The following TNRC18 variants were observed in gnomAD, a reference collection of about 807,000 sequenced individuals.
TNRC18 encodes trinucleotide repeat containing 18.
A neutral mutation model predicts 226.7 loss-of-function variants in TNRC18; 69 were observed. The ratio of observed to expected loss-of-function variants is 0.30; its 90% CI spans 0.25 to 0.37. The LOEUF (loss-of-function observed/expected upper bound fraction) is 0.37. Among genes scored for constraint, TNRC18 ranks in the 10% least tolerant of loss-of-function variants. The pLI, the probability that TNRC18 is intolerant of heterozygous loss-of-function variation, is 1.00. For synonymous variants in TNRC18, 2,449 were observed against 1,927.6 expected, an observed-to-expected ratio of 1.27 and a Z score of -7.09; for missense variants, 4,754 against 4,256.6, an observed-to-expected ratio of 1.12 and a Z score of -3.25.
chr7:5,358,115 C>T (rs1444608164), intron 15 of TNRC18, among the ~76,000 whole-genome samples: 1 of 152,154 alleles, frequency 6.6e-6, no homozygotes, highest in Non-Finnish European at 1.5e-5. Context: ...CAGCAGCTGA[C>T]AAAGTACTAG....
At chr7:5,321,268 G>A (rs1788326637) in intron 21 of TNRC18, 78 bp from the exon 22 acceptor site, 4 of 1,091,710 alleles carry the variant, frequency 3.7e-6, no homozygotes, top group Non-Finnish European at 5.3e-6. Context: ...TTACCCCCAA[G>A]TCATCCCCTT....
intron 29 of TNRC18, 121 bp downstream of exon 29, chr7:5,308,754 T>C (rs937134676): frequency 2.8e-6 from 3 of 1,086,258 alleles, no homozygotes; most frequent in Non-Finnish European, 4.0e-6. Context: ...GGACAGGAGG[T>C]CAGAGGCTGA....
At chr7:5,392,347 C>T (rs1780361496) in intron 3 of TNRC18, among the ~76,000 whole-genome samples, 1 of 152,188 alleles carries the variant, frequency 6.6e-6, no homozygotes, top group Non-Finnish European at 1.5e-5. Flanking sequence ...CCTGTAGTCC[C>T]AGCTCCTCAG....
chr7:5,374,191 G>T lies in TNRC18; in HGVS notation c.3093C>A (p.Pro1031=), dbSNP rs540135793. 4.1e-4 allele frequency: 583 copies of T among 1,437,396 alleles called. 2 individuals are homozygous for T. In the African/African-American group the frequency reaches 7.8e-3, roughly 19 times the overall value. 89.0% of individuals were successfully genotyped at this position (1,437,396 alleles called of 1,614,324 possible). A position where few individuals can be genotyped will look rare whatever the true frequency, so the allele number is the denominator to read the frequency against. ...GTGGGGAGGCGGGCGGCGGGCTGGT[G>T]GGGTGGGAGCTGGGGGTGGCGGGGT... ...YAYPATPSSH[P]TSPPPASPPP... The change falls in exon 10 of 30, where the codon CCC becomes CCA. Residue 1031 remains proline (P), a synonymous_variant. Transcript: ENST00000430969.
rs769405352 is a variant in TNRC18, at chr7:5,307,515, C to T, written c.*591G>A. On this transcript the variant is annotated 3_prime_UTR_variant, in exon 30 of 30. Coordinates refer to ENST00000430969, the MANE Select transcript of TNRC18 (RefSeq NM_001080495.3). Reference sequence around the variant, plus strand: ...CTCTCCACCTGGTGCCTTTGACAGACACTCCGGGCTGCAACCCCACCCGGC... The same window carrying T: ...CTCTCCACCTGGTGCCTTTGACAGATACTCCGGGCTGCAACCCCACCCGGC... The T allele has an allele frequency of 1.3e-5, 6 of 447,056 alleles. No individual in the cohort carries two copies. The highest frequency in any genetic ancestry group is 4.8e-5 in the South Asian group (3 of 62,948). The allele number at this position is 447,056 out of a possible 1,614,324, so 27.7% of individuals were successfully genotyped here. A position where few individuals can be genotyped will look rare whatever the true frequency, so the allele number is the denominator to read the frequency against.
At chr7:5,321,816 T>C (rs537189158) in intron 21 of TNRC18, among the ~76,000 whole-genome samples, 95 of 151,712 alleles carry the variant, frequency 6.3e-4, no homozygotes, top group African/African-American at 2.0e-3. Flanking sequence ...GAATTACAGG[T>C]GCCTGCCACC....
At chr7:5,403,852 A>T (rs531481925) in intron 2 of TNRC18, among the ~76,000 whole-genome samples, 1 of 152,112 alleles carries the variant, frequency 6.6e-6, no homozygotes, top group East Asian at 1.9e-4. Flanking sequence ...CATCTCATAG[A>T]CTCAGTCAAA....
intron 16 of TNRC18, among the ~76,000 whole-genome samples, chr7:5,352,857 G>A (rs1791969236): frequency 6.6e-6 from 1 of 152,258 alleles, no homozygotes; most frequent in South Asian, 2.1e-4. Context: ...GGCAAGATGG[G>A]AAGACAGGGG....
intron 18 of TNRC18, among the ~76,000 whole-genome samples, chr7:5,343,982 A>T (rs1225457132): frequency 6.6e-6 from 1 of 152,216 alleles, no homozygotes; most frequent in Non-Finnish European, 1.5e-5. Context: ...GAAACTAATC[A>T]CGTCTAGCCA....
In TNRC18 at chr7:5,318,603, A is replaced by AAC. The variant is rs5882053; in HGVS notation, c.6745+1713_6745+1714dup. Among the ~76,000 whole-genome samples the AAC allele has an allele frequency of 1.2e-3, 177 of 151,082 alleles. 3 individuals carry two copies. The highest frequency in any genetic ancestry group is 3.3e-3 in the African/African-American group (135 of 41,160). ...CTCTGCAGATACCCAGCATGATGAG[A>AAC]ACACACACACACACACACGGAATTC... On this transcript the variant is annotated intron_variant, in intron 24 of 29. Transcript: ENST00000430969.
chr7:5,332,737 G>T lies in TNRC18; in HGVS notation c.6032C>A (p.Ala2011Glu). The T allele has an allele frequency of 6.6e-7, 1 of 1,523,052 alleles. No homozygotes were observed. The highest frequency in any genetic ancestry group is 1.4e-5 in the African/African-American group (1 of 70,844). The allele number at this position is 1,523,052 out of a possible 1,614,324, so 94.3% of individuals were successfully genotyped here. A position where few individuals can be genotyped will look rare whatever the true frequency, so the allele number is the denominator to read the frequency against. Residue 2011 changes from alanine to glutamate, a missense_variant, in exon 19 of 30, where the codon GCA becomes GAA. Transcript: ENST00000430969. ...GGGCGCGGTGCTGACGGGCGCAGGTGCAGCAGCCGAGGCGTCGTGCAGGAA... is the reference window on the plus strand; with the variant it reads ...GGGCGCGGTGCTGACGGGCGCAGGTTCAGCAGCCGAGGCGTCGTGCAGGAA... ...RIFLHDASAA[A>E]PAPVSTAPAT...
intron 2 of TNRC18, among the ~76,000 whole-genome samples, chr7:5,399,055 G>C (rs546006116): frequency 6.6e-5 from 10 of 152,312 alleles, no homozygotes; most frequent in African/African-American, 1.9e-4. Flanking sequence ...GCCCATGCCA[G>C]GCCATCCTGC....
chr7:5,403,985 C>T (rs1277790972), intron 2 of TNRC18, among the ~76,000 whole-genome samples: 1 of 152,146 alleles, frequency 6.6e-6, no homozygotes, highest in Admixed American at 6.6e-5. Context: ...CCTTCAAACT[C>T]CCATAGATCA....
intron 17 of TNRC18, among the ~76,000 whole-genome samples, chr7:5,346,760 G>A (rs1163470701): frequency 6.6e-6 from 1 of 152,236 alleles, no homozygotes; most frequent in East Asian, 1.9e-4. Flanking sequence ...CCTGCAGCAA[G>A]GGGTGACCCT....
intron 2 of TNRC18, among the ~76,000 whole-genome samples, chr7:5,406,461 C>CA (rs1046742570): frequency 4.0e-4 from 60 of 150,978 alleles, no homozygotes; most frequent in African/African-American, 1.0e-3. Context: ...GACTCTGTCT[C>CA]AAAAAAAAAT....
At chr7:5,320,233 C>T (rs1788209319) in intron 24 of TNRC18, 85 bp downstream of exon 24, 5 of 1,046,870 alleles carry the variant, frequency 4.8e-6, no homozygotes, top group African/African-American at 1.6e-5. Context: ...TATTCTTAAG[C>T]CAGTTAGAGT....
At chr7:5,418,263 GT>G (rs1782314949) in intron 2 of TNRC18, among the ~76,000 whole-genome samples, 1 of 152,208 alleles carries the variant, frequency 6.6e-6, no homozygotes, top group South Asian at 2.1e-4. Flanking sequence ...TGTTCACAAT[GT>G]AGCAAGGCTC....
chr7:5,411,642 T>G (rs1485137069), intron 2 of TNRC18, among the ~76,000 whole-genome samples: 1 of 152,034 alleles, frequency 6.6e-6, no homozygotes, highest in African/African-American at 2.4e-5. Flanking sequence ...CCTCTCACCC[T>G]TTCACAGAAA....
chr7:5,353,273 G>C (rs1421871707), intron 16 of TNRC18, among the ~76,000 whole-genome samples: 1 of 152,192 alleles, frequency 6.6e-6, no homozygotes. Flanking sequence ...GCAATGGCTT[G>C]CATCTGTAAT....
Sources: gnomAD v4.1 joint callset for allele counts (sites outside exome capture counted in the v4.1 genomes callset) on GRCh38, gnomAD v4.1.1 for gene constraint, MANE v1.5 for transcripts, NCBI Gene and HGNC (gene_info 2026-07-23, HGNC 2026-07-21) for gene names.